DIS3L2: variants seen among roughly 807,000 people sequenced by gnomAD.
DIS3L2 encodes the protein DIS3 like 3'-5' exoribonuclease 2.
DIS3L2 carries 34 observed loss-of-function variants against 97.5 expected under a neutral mutation model. That is an observed-to-expected ratio of 0.35 (90% confidence interval 0.27 to 0.46). The LOEUF (loss-of-function observed/expected upper bound fraction) is 0.46. DIS3L2 is among the 20% of genes least tolerant of loss of function. The probability of loss-of-function intolerance (pLI) is 1.00; values close to 1 mark genes in which losing one functional copy is unlikely to be tolerated. For missense variants in DIS3L2, 1,038 were observed against 1,146.0 expected, an observed-to-expected ratio of 0.91 and a Z score of 1.36; for synonymous variants, 435 against 445.2, an observed-to-expected ratio of 0.98 and a Z score of 0.29.
intron 1 of DIS3L2, among the ~76,000 whole-genome samples, chr2:232,008,780 G>A (rs1254132526): frequency 6.6e-6 from 1 of 152,178 alleles, no homozygotes; most frequent in African/African-American, 2.4e-5. Context: ...CTGATCAGTT[G>A]TGGGTTCAAA....
rs1694625658 is a variant in DIS3L2 at position 232,292,365 on chromosome 2, A to T, written c.1660-7675A>T. Among the ~76,000 whole-genome samples, 1 of 151,882 alleles carries T rather than the reference A, an allele frequency of 6.6e-6. No homozygotes were observed. Among genetic ancestry groups the T allele is most frequent in the African/African-American group, 2.4e-5 (1 of 41,332 alleles). On this transcript the variant is annotated intron_variant, in intron 13 of 20. Coordinates refer to ENST00000325385, the MANE Select transcript of DIS3L2 (RefSeq NM_152383.5). This position sits in a 1 kb window ranked among gnomAD's most constrained non-coding sequence, Gnocchi z 4.4. ...CCTCAGTCACTCATTCTTGTTACCC[A>T]CCTGTTGCCATCTGCTGGGAGGGTC...
At chr2:232,108,520 C>A (rs894000570) in intron 6 of DIS3L2, among the ~76,000 whole-genome samples, 2 of 152,176 alleles carry the variant, frequency 1.3e-5, no homozygotes, top group African/African-American at 4.8e-5. Flanking sequence ...TCTCACCACT[C>A]CTAGTCAACA....
In DIS3L2 at chr2:232,329,907, C is replaced by T. The variant is rs1695685425; in HGVS notation, c.1834C>T (p.Pro612Ser). ...GCAGGCCCTGCTGCGCCGGCACCCC[C>T]CGCCCCAAACAAGGATGCTCAGTGA... Reference protein sequence around the residue: ...PEQALLRRHPPPQTRMLSDLV... With the variant: ...PEQALLRRHPSPQTRMLSDLV... Residue 612 changes from proline to serine, a missense_variant, in exon 15 of 21, where the codon CCG becomes TCG. By Grantham distance (74) the Pro-to-Ser change is moderately conservative (BLOSUM62 -1). Transcript: ENST00000325385. 2 of 1,612,952 alleles carry T rather than the reference C, an allele frequency of 1.2e-6. No homozygotes were observed. The highest frequency in any genetic ancestry group is 2.2e-5 in the East Asian group (1 of 44,810).
chr2:232,278,572 A>T (rs958058959), intron 13 of DIS3L2, among the ~76,000 whole-genome samples: 1 of 152,150 alleles, frequency 6.6e-6, no homozygotes, highest in South Asian at 2.1e-4. Flanking sequence ...CGTTGGTAGC[A>T]TTTTAAGTCT....
At chr2:232,050,953 G>A (rs1434048146) in intron 5 of DIS3L2, among the ~76,000 whole-genome samples, 3 of 152,216 alleles carry the variant, frequency 2.0e-5, no homozygotes, top group Non-Finnish European at 4.4e-5. Flanking sequence ...TCTTGTAAGA[G>A]TGACATTTCA....
At chr2:232,244,827 C>T (rs1469939309) in intron 11 of DIS3L2, among the ~76,000 whole-genome samples, 3 of 152,036 alleles carry the variant, frequency 2.0e-5, no homozygotes, top group African/African-American at 7.2e-5. Context: ...GGGGAAGGAG[C>T]TAACAAAGAG....
chr2:232,038,480 G>A (rs2106249616), intron 5 of DIS3L2, among the ~76,000 whole-genome samples: 1 of 152,306 alleles, frequency 6.6e-6, no homozygotes, highest in South Asian at 2.1e-4. Context: ...CACCAGTGGA[G>A]CTCTACAGAA....
rs778983008 is a variant in DIS3L2 at position 232,210,372 on chromosome 2, G to A, written c.1171G>A (p.Asp391Asn). ...TGACCCATCAACCGCCCGAGACCTC[G>A]ATGATGCCCTCTCCTGCAAGCCACT... ...TIDPSTARDL[D>N]DALSCKPLAD... The change falls in exon 10 of 21, where the codon GAT becomes AAT. Residue 391 changes from aspartate to asparagine, a missense_variant. Physicochemically the swap from Asp to Asn is conservative, Grantham distance 23. Coordinates refer to ENST00000325385, the MANE Select transcript of DIS3L2 (RefSeq NM_152383.5). 1.9e-6 allele frequency: 3 copies of A among 1,613,556 alleles called. No individual in the cohort carries two copies. The highest frequency in any genetic ancestry group is 3.3e-5 in the Admixed American group (2 of 59,984).
chr2:232,249,344 A>T lies in DIS3L2; in HGVS notation c.1423A>T (p.Lys475Ter). ...SVIWTLTPEG[K>*]ILDEWFGRTI... ...GATCTGGACACTGACTCCAGAGGGC[A>T]AGGTAACAACTTACACGTTTTCTTT... Residue 475 changes from lysine to a stop codon, truncating the protein, a stop_gained and splice_region_variant, in exon 12 of 21, where the codon AAG becomes TAG. Transcript: ENST00000325385. LOFTEE classifies it high-confidence loss of function. 1 of 1,614,086 alleles carries T rather than the reference A, an allele frequency of 6.2e-7. No homozygotes were observed. Among genetic ancestry groups the T allele is most frequent in the Non-Finnish European group, 8.5e-7 (1 of 1,179,974 alleles).
chr2:232,337,607 C>T (rs1209832028), downstream of DIS3L2, among the ~76,000 whole-genome samples: 2 of 152,088 alleles, frequency 1.3e-5, no homozygotes, highest in Non-Finnish European at 2.9e-5. Flanking sequence ...GTACTCCTTC[C>T]CCCTCCGTGG....
intron 10 of DIS3L2, among the ~76,000 whole-genome samples, chr2:232,234,679 T>C (rs1467308290): frequency 1.3e-5 from 2 of 152,256 alleles, no homozygotes; most frequent in African/African-American, 4.8e-5. Context: ...TTTATGTAGT[T>C]GTTATGGATC....
chr2:232,330,213 G>A (rs569598221), intron 15 of DIS3L2, among the ~76,000 whole-genome samples: 4 of 152,344 alleles, frequency 2.6e-5, no homozygotes, highest in Non-Finnish European at 5.9e-5. Context: ...TGTGCCAAGC[G>A]GGGGGACCCT....
At chr2:232,143,748 C>T (rs1690136619) in intron 8 of DIS3L2, among the ~76,000 whole-genome samples, 1 of 151,996 alleles carries the variant, frequency 6.6e-6, no homozygotes. Context: ...AATACTAAAA[C>T]CAACCCATGA....
chr2:232,259,328 T>G (rs1376874821), intron 12 of DIS3L2, among the ~76,000 whole-genome samples: 2 of 149,048 alleles, frequency 1.3e-5, no homozygotes, highest in Non-Finnish European at 1.5e-5. Flanking sequence ...TCAAATGAAC[T>G]GGTAGCCAAT....
intron 19 of DIS3L2, 164 bp from the exon 20 acceptor site, chr2:232,335,609 C>T: frequency 4.2e-6 from 3 of 721,162 alleles, no homozygotes; most frequent in Non-Finnish European, 4.7e-6. Flanking sequence ...GCTGCCTCAG[C>T]TGAAGGTGGC....
intron 5 of DIS3L2, among the ~76,000 whole-genome samples, chr2:232,040,444 TA>T (rs1394703158): frequency 6.6e-6 from 1 of 152,208 alleles, no homozygotes; most frequent in Non-Finnish European, 1.5e-5. Context: ...GCCAGCTCAG[TA>T]AACTCTTGTT....
chr2:232,340,242 G>C (rs1696075609), downstream of DIS3L2, among the ~76,000 whole-genome samples: 1 of 152,170 alleles, frequency 6.6e-6, no homozygotes, highest in African/African-American at 2.4e-5. Context: ...GAGTGTCCCA[G>C]GCGTAGCTGA....
intron 10 of DIS3L2, among the ~76,000 whole-genome samples, chr2:232,228,422 C>T (rs555742839): frequency 3.3e-5 from 5 of 152,174 alleles, no homozygotes; most frequent in Admixed American, 1.3e-4. Flanking sequence ...CCATGCTGGC[C>T]GTATGTGCCG....
chr2:232,256,564 A>G (rs1321172763), intron 12 of DIS3L2, among the ~76,000 whole-genome samples: 1 of 152,238 alleles, frequency 6.6e-6, no homozygotes, highest in African/African-American at 2.4e-5. Context: ...CTAGGTTCCA[A>G]GCCTTTTTTC....
Sources: gnomAD v4.1 joint callset for allele counts (sites outside exome capture counted in the v4.1 genomes callset) on GRCh38, gnomAD v4.1.1 for gene constraint, Gnocchi (gnomAD v3.1) non-coding constraint, MANE v1.5 for transcripts, NCBI Gene and HGNC (gene_info 2026-07-23, HGNC 2026-07-21) for gene names.